Variants in RCOR1 observed in about 807,000 individuals in gnomAD.
RCOR1 encodes the protein REST corepressor.
RCOR1 carries 12 observed loss-of-function variants against 64.0 expected under a neutral mutation model. The observed-to-expected ratio is 0.19, with a 90% CI of 0.12 to 0.30. RCOR1 has a LOEUF of 0.30. Among genes scored for constraint, RCOR1 ranks in the 10% least tolerant of loss-of-function variants. The pLI, the probability that RCOR1 is intolerant of heterozygous loss-of-function variation, is 1.00. For missense variants in RCOR1, 502 were observed against 621.2 expected (o/e 0.81, Z 2.04); for synonymous variants, 279 against 227.2 (o/e 1.23, Z -2.05).
In RCOR1 at chr14:102,722,348, G is replaced by A. The variant is rs551309398; in HGVS notation, c.1351G>A (p.Gly451Arg). 6 of 1,614,112 alleles carry A rather than the reference G, an allele frequency of 3.7e-6. No homozygotes were observed. The Admixed American group carries it at 1.0e-4, about 27-fold the overall frequency. The stretch of plus-strand genomic sequence containing the variant: ...AGAACATGGTAAAGAAGAGACCAAT[G>A]GGCCCAGTAACCAGAAGCCTGTGAA... ...EAEHGKEETN[G>R]PSNQKPVKSP... The change falls in exon 11 of 12, where the codon GGG (glycine) becomes AGG (arginine). Residue 451 changes from glycine (G) to arginine (R), a missense_variant. Physicochemically the swap from Gly to Arg is moderately radical, Grantham distance 125. Around this residue, in one of 2 missense-constraint regions of RCOR1, gnomAD observed 260 missense variants for 416.4 expected, o/e 0.62. Transcript: ENST00000262241.
chr14:102,628,242 G>T (rs550010516), intron 2 of RCOR1, among the ~76,000 whole-genome samples: 34 of 152,202 alleles, frequency 2.2e-4, no homozygotes, highest in Admixed American at 1.5e-3. Context: ...CTCAGTCCAC[G>T]GATTCAAATG....
At chr14:102,676,031 GT>G (rs199759549) in intron 2 of RCOR1, among the ~76,000 whole-genome samples, 6,988 of 142,694 alleles carry the variant, frequency 0.049, 425 homozygotes, top group African/African-American at 0.14. Context: ...ATATTTCACA[GT>G]TTTTTTTTTT....
At chr14:102,662,055 C>G (rs1012770448) in intron 2 of RCOR1, among the ~76,000 whole-genome samples, 6 of 152,190 alleles carry the variant, frequency 3.9e-5, no homozygotes, top group African/African-American at 1.4e-4. Flanking sequence ...GCACTGTGCC[C>G]TGCCTATGAG....
chr14:102,720,378 G>T (rs919124370), intron 8 of RCOR1, among the ~76,000 whole-genome samples: 2 of 152,234 alleles, frequency 1.3e-5, no homozygotes, highest in Admixed American at 1.3e-4. Context: ...GACAGTGAAA[G>T]ATTACCTTGA....
chr14:102,660,497 TC>T (rs1894807130), intron 2 of RCOR1, among the ~76,000 whole-genome samples: 1 of 152,068 alleles, frequency 6.6e-6, no homozygotes, highest in Non-Finnish European at 1.5e-5. Context: ...CCAGCAATCC[TC>T]CCACCTTAGC....
At chr14:102,725,842 A>G (rs369464505) in intron 11 of RCOR1, among the ~76,000 whole-genome samples, 49 of 152,192 alleles carry the variant, frequency 3.2e-4, no homozygotes, top group African/African-American at 1.1e-3. Context: ...AAGTGCTGGG[A>G]TTACAGGCGT....
At chr14:102,651,510 G>T (rs1323864623) in intron 2 of RCOR1, among the ~76,000 whole-genome samples, 3 of 150,498 alleles carry the variant, frequency 2.0e-5, no homozygotes, top group Non-Finnish European at 1.5e-5. Context: ...CCGAGATTGC[G>T]CCACTGCACT....
chr14:102,711,092 TCTA>T, intron 7 of RCOR1, 79 bp downstream of exon 7: 1 of 918,450 alleles, frequency 1.1e-6, no homozygotes, highest in Non-Finnish European at 1.7e-6. Context: ...TGTTGCTTGT[TCTA>T]CTTAATATAT....
At chr14:102,707,086 G>C (rs1476397086) in intron 4 of RCOR1, among the ~76,000 whole-genome samples, 2 of 151,748 alleles carry the variant, frequency 1.3e-5, no homozygotes, top group Non-Finnish European at 2.9e-5. Flanking sequence ...TATTTAAATT[G>C]CTTCACTCTT....
intron 2 of RCOR1, among the ~76,000 whole-genome samples, chr14:102,621,094 C>T (rs1349074922): frequency 6.6e-6 from 1 of 152,150 alleles, no homozygotes; most frequent in Admixed American, 6.6e-5. Context: ...TTCAGCCTCC[C>T]GAGTAGCAGA....
intron 4 of RCOR1, among the ~76,000 whole-genome samples, chr14:102,703,569 A>G (rs1344739051): frequency 6.6e-6 from 1 of 152,230 alleles, no homozygotes; most frequent in Non-Finnish European, 1.5e-5. Context: ...GCAGCAAGAG[A>G]AGAAAACTGT....
At chr14:102,712,950 T>G (rs995433335) in intron 7 of RCOR1, among the ~76,000 whole-genome samples, 1 of 70,630 alleles carries the variant, frequency 1.4e-5, no homozygotes, top group Admixed American at 1.2e-4. Flanking sequence ...AATCATTGTT[T>G]TTTTTTTTTT....
Position 102,644,241 on chromosome 14 carries a change from A to T in RCOR1, c.362-37654A>T, listed in dbSNP as rs1323210975. Among the ~76,000 whole-genome samples the T allele has an allele frequency of 2.6e-5, 4 of 152,362 alleles. No homozygotes were observed. In the East Asian group the frequency reaches 7.7e-4, roughly 29 times the overall value. On this transcript the variant is annotated intron_variant, in intron 2 of 11. Coordinates refer to ENST00000262241, the MANE Select transcript of RCOR1 (RefSeq NM_015156.4). Reference sequence around the variant, plus strand: ...CAAGAAAGTGCAGGCTTCCAAAGCAAGTATCGCAAGAAAACTGACTATTAA... The same window carrying T: ...CAAGAAAGTGCAGGCTTCCAAAGCATGTATCGCAAGAAAACTGACTATTAA...
At chr14:102,669,822 G>T (rs116820503) in intron 2 of RCOR1, among the ~76,000 whole-genome samples, 3,564 of 152,148 alleles carry the variant, frequency 0.023, 133 homozygotes, top group African/African-American at 0.077. Context: ...ATTACCCAAC[G>T]TCAGAAGCCA....
In RCOR1 at chr14:102,628,467, C is replaced by T. The variant is rs762274982; in HGVS notation, c.361+35142C>T. ...CCCGCTCCCCCGCTTTTCTCTCTCT[C>T]TCTCTCTTTTCTTTTTTTGTTTTTT... On this transcript the variant is annotated intron_variant, in intron 2 of 11. Transcript: ENST00000262241. Among the ~76,000 whole-genome samples, 5 of 151,998 alleles carry T rather than the reference C, an allele frequency of 3.3e-5. No individual in the cohort carries two copies. In the East Asian group the frequency reaches 5.8e-4, roughly 18 times the overall value.
At chr14:102,632,317 C>T (rs1216482006) in intron 2 of RCOR1, among the ~76,000 whole-genome samples, 2 of 150,362 alleles carry the variant, frequency 1.3e-5, no homozygotes, top group East Asian at 3.9e-4. Flanking sequence ...CCTGGGTTCA[C>T]GCCATTCTCC....
chr14:102,691,346 G>C (rs1053995480), intron 3 of RCOR1, among the ~76,000 whole-genome samples: 2 of 152,134 alleles, frequency 1.3e-5, no homozygotes, highest in Non-Finnish European at 2.9e-5. Flanking sequence ...GGCTTAAAAA[G>C]AACCTGTGCT....
At chr14:102,683,904 C>T (rs574849758) in intron 3 of RCOR1, among the ~76,000 whole-genome samples, 1 of 152,354 alleles carries the variant, frequency 6.6e-6, no homozygotes, top group South Asian at 2.1e-4. Context: ...GGGGCTGCAC[C>T]CTCCTGCTGT....
At chr14:102,658,722 A>C (rs12435280) in intron 2 of RCOR1, 238,364 of 751,288 alleles carry the variant, frequency 0.32, 40,293 homozygotes, top group African/African-American at 0.54. Context: ...TTAGATTCCA[A>C]TAGTTTTCCC....
Sources: gnomAD v4.1 joint callset for allele counts (sites outside exome capture counted in the v4.1 genomes callset) on GRCh38, gnomAD v4.1.1 for gene constraint, gnomAD v4.1.1 regional missense constraint, MANE v1.5 for transcripts, NCBI Gene and HGNC (gene_info 2026-07-23, HGNC 2026-07-21) for gene names.